Variants in CDH1 observed in about 807,000 individuals in gnomAD.
The protein encoded by CDH1 is cadherin-1.
A neutral mutation model predicts 84.5 loss-of-function variants in CDH1; 35 were observed. The observed-to-expected ratio is 0.41, with a 90% confidence interval of 0.32 to 0.55. The LOEUF is 0.55. Ranked by LOEUF, CDH1 falls within the 20% of genes least tolerant of loss-of-function variation. The pLI is 0.19. For missense variants in CDH1, 994 were observed against 1,126.6 expected, an observed-to-expected ratio of 0.88 and a Z score of 1.68; for synonymous variants, 417 against 439.0, an observed-to-expected ratio of 0.95 and a Z score of 0.63.
intron 3 of CDH1, among the ~76,000 whole-genome samples, chr16:68,806,122 A>ATATTTATTTATTTATT (rs200148272): frequency 5.5e-5 from 8 of 144,532 alleles, no homozygotes; most frequent in East Asian, 2.0e-4. Context: ...TAATTTTTGT[A>ATATTTATTTATTTATT]TATTTATTTA....
At chr16:68,802,760 T>G (rs1009160942) in intron 3 of CDH1, among the ~76,000 whole-genome samples, 1 of 152,178 alleles carries the variant, frequency 6.6e-6, no homozygotes, top group East Asian at 1.9e-4. Context: ...AGTGAGCCAC[T>G]GCGCCTGGCC....
intron 5 of CDH1, 144 bp from the exon 6 acceptor site, chr16:68,810,053 A>T: frequency 1.2e-6 from 1 of 800,232 alleles, no homozygotes; most frequent in South Asian, 1.4e-5. Context: ...GCAGCAGCAC[A>T]TGTGTGAGAA....
At position 68,815,695 on chromosome 16, in the gene CDH1, G is replaced by A. The variant is rs368690400; in HGVS notation, c.1501G>A (p.Val501Met). 17 of 1,614,112 alleles carry A rather than the reference G, an allele frequency of 1.1e-5. No individual in the cohort carries two copies. The African/African-American group carries it at 1.2e-4, about 11-fold the overall frequency. The change falls in exon 10 of 16, where the codon GTG becomes ATG. Residue 501 changes from valine to methionine, a missense_variant. Coordinates refer to ENST00000261769, the MANE Select transcript of CDH1 (RefSeq NM_004360.5). The part of the protein sequence containing the change: ...KRVEVSEDFG[V>M]GQEITSYTAQ... ...AGTGGAAGTGTCCGAGGACTTTGGC[G>A]TGGGCCAGGAAATCACATCCTACAC...
chr16:68,760,367 G>C (rs1018420448), intron 2 of CDH1, among the ~76,000 whole-genome samples: 3 of 147,070 alleles, frequency 2.0e-5, no homozygotes, highest in African/African-American at 7.5e-5. Flanking sequence ...CCCCCACTCA[G>C]CCTCCCAAAG....
rs910239500 is a variant in CDH1 at position 68,762,819 on chromosome 16, G to C, written c.163+24408G>C. On this transcript the variant is annotated intron_variant, in intron 2 of 15. Transcript: ENST00000261769. ...AGCTACTTGGGAGGCTGAGGCAGGA[G>C]AATCGCTTGAACCCCTGGGAGGCAG... is the stretch of plus-strand genomic sequence containing the variant. Among the ~76,000 whole-genome samples, 3 of 146,536 alleles carry C rather than the reference G, an allele frequency of 2.0e-5. No individual in the cohort carries two copies. In the Admixed American group the frequency reaches 2.1e-4, roughly 10 times the overall value.
chr16:68,744,156 C>G (rs955326553), intron 2 of CDH1, among the ~76,000 whole-genome samples: 1 of 152,180 alleles, frequency 6.6e-6, no homozygotes, highest in African/African-American at 2.4e-5. Context: ...ATTTTTCCCT[C>G]TCAAACTCTA....
chr16:68,816,430 A>G (rs904847035), intron 10 of CDH1, among the ~76,000 whole-genome samples: 1 of 152,154 alleles, frequency 6.6e-6, no homozygotes, highest in African/African-American at 2.4e-5. Flanking sequence ...CAACCAACCA[A>G]CTACAACACT....
intron 2 of CDH1, among the ~76,000 whole-genome samples, chr16:68,761,522 G>A (rs1355194268): frequency 1.3e-5 from 2 of 152,196 alleles, no homozygotes; most frequent in African/African-American, 4.8e-5. Flanking sequence ...ACATATGAAT[G>A]TCCCCCATCA....
chr16:68,773,592 C>A (rs559181306), intron 2 of CDH1, among the ~76,000 whole-genome samples: 1 of 152,374 alleles, frequency 6.6e-6, no homozygotes, highest in Admixed American at 6.5e-5. Flanking sequence ...AGCCAGTGCA[C>A]CCAGCCTGCT....
intron 2 of CDH1, among the ~76,000 whole-genome samples, chr16:68,743,336 TTTCTTTCTTTCTTTCTTTCTTTC>T (rs534724601): frequency 0.056 from 1,834 of 32,622 alleles, 140 homozygotes; most frequent in African/African-American, 0.076. Flanking sequence ...TCTTTCTTTC[TTTCTTTCTTTCTTTCTTTCTTTC>T]TTTCTTTTCT....
At chr16:68,789,474 C>G (rs985855704) in intron 2 of CDH1, among the ~76,000 whole-genome samples, 7 of 151,330 alleles carry the variant, frequency 4.6e-5, no homozygotes, top group Non-Finnish European at 8.8e-5. Context: ...GCAGTGGTCT[C>G]TCTGCAAGGA....
chr16:68,794,585 T>A (rs1960304881), intron 2 of CDH1, among the ~76,000 whole-genome samples: 1 of 151,922 alleles, frequency 6.6e-6, no homozygotes, highest in Non-Finnish European at 1.5e-5. Context: ...GGTGGTACAA[T>A]CATAGCACAC....
rs1290589337 is a variant in CDH1 at position 68,812,372 on chromosome 16, A to G, written c.1137+109A>G. 3 of 1,194,418 alleles carry G rather than the reference A, an allele frequency of 2.5e-6. No individual in the cohort carries two copies. The African/African-American group carries it at 4.5e-5, about 18-fold the overall frequency. 74.0% of individuals were successfully genotyped at this position (1,194,418 alleles called of 1,614,324 possible). On this transcript the variant is annotated intron_variant, in intron 8 of 15. Coordinates refer to ENST00000261769, the MANE Select transcript of CDH1 (RefSeq NM_004360.5). ...AGTCTTTGAAAACTCTCTCCAGACT[A>G]GAGAATGTTAACTTTAAACTTAAAA...
chr16:68,833,922 G>C lies in CDH1; in HGVS notation c.*423G>C. The C allele has an allele frequency of 3.0e-6, 1 of 329,948 alleles. No individual in the cohort carries two copies. Among genetic ancestry groups the C allele is most frequent in the Non-Finnish European group, 5.6e-6 (1 of 177,448 alleles). The allele number at this position is 329,948 out of a possible 1,614,324, so 20.4% of individuals were successfully genotyped here. On this transcript the variant is annotated 3_prime_UTR_variant, in exon 16 of 16. Transcript: ENST00000261769. ...ATATAATTTTTTAAAAAAAATTTGT[G>C]TGCTTCTGCTCATTACTACACTGGT...
intron 10 of CDH1, among the ~76,000 whole-genome samples, chr16:68,817,472 C>T (rs918998200): frequency 1.3e-5 from 2 of 152,182 alleles, no homozygotes; most frequent in African/African-American, 4.8e-5. Flanking sequence ...ACAAGATATT[C>T]TCAAATTATC....
intron 2 of CDH1, among the ~76,000 whole-genome samples, chr16:68,794,983 C>T (rs1343122010): frequency 6.6e-6 from 1 of 151,906 alleles, no homozygotes; most frequent in African/African-American, 2.4e-5. Context: ...TGAGCCACCG[C>T]ACCTGGCCAA....
chr16:68,824,337 T>C (rs1276264827), intron 13 of CDH1, among the ~76,000 whole-genome samples: 3 of 152,154 alleles, frequency 2.0e-5, no homozygotes, highest in East Asian at 3.9e-4. Flanking sequence ...GGTACTGATG[T>C]TGCAGTTCCT....
intron 15 of CDH1, among the ~76,000 whole-genome samples, chr16:68,831,366 A>G (rs964855304): frequency 2.7e-5 from 4 of 149,942 alleles, no homozygotes; most frequent in African/African-American, 9.8e-5. Context: ...TTGGGATTAC[A>G]GGCGTGAGCC....
chr16:68,762,239 T>G (rs909428716), intron 2 of CDH1, among the ~76,000 whole-genome samples: 10 of 152,180 alleles, frequency 6.6e-5, no homozygotes, highest in Admixed American at 3.3e-4. Context: ...TCTTCGTTGT[T>G]GCTACCTCTA....
Sources: allele counts gnomAD v4.1 joint callset (sites outside exome capture counted in the v4.1 genomes callset), GRCh38; gene constraint gnomAD v4.1.1; transcripts MANE v1.5; gene names NCBI Gene and HGNC (gene_info 2026-07-23, HGNC 2026-07-21).